The following MINDY2 variants were observed in gnomAD, a reference collection of about 807,000 sequenced individuals.
The protein encoded by MINDY2 is MINDY lysine 48 deubiquitinase 2.
In MINDY2, 52 loss-of-function variants were observed where a neutral mutation model predicts 68.2. That is an observed-to-expected ratio of 0.76 (90% CI 0.61 to 0.96). The LOEUF (loss-of-function observed/expected upper bound fraction) is 0.96. Ranked by LOEUF, MINDY2 falls within the 40% of genes least tolerant of loss-of-function variation. The pLI, the probability that MINDY2 is intolerant of heterozygous loss-of-function variation, is 0.00. For synonymous variants in MINDY2, 372 were observed against 303.0 expected, an observed-to-expected ratio of 1.23 and a Z score of -2.36; for missense variants, 881 against 773.4, an observed-to-expected ratio of 1.14 and a Z score of -1.65.
At chr15:58,798,208 C>T (rs1902406838) in intron 2 of MINDY2, among the ~76,000 whole-genome samples, 1 of 152,090 alleles carries the variant, frequency 6.6e-6, no homozygotes, top group Non-Finnish European at 1.5e-5. Context: ...CCTCCGCTTC[C>T]AAAGCTCAAG....
Position 58,860,424 on chromosome 15 carries a change from A to T in MINDY2, c.*5814A>T, listed in dbSNP as rs1447733885. On this transcript the variant is annotated 3_prime_UTR_variant, in exon 9 of 9. Coordinates refer to ENST00000559228, the MANE Select transcript of MINDY2 (RefSeq NM_001040450.3). The stretch of plus-strand genomic sequence containing the variant: ...TGTCTCTACTAAAAATACAAAAAAA[A>T]TTAGCTGGGTGTGGTGGCACATGCC... The T allele has an allele frequency of 6.6e-6, 1 of 152,134 alleles. No homozygotes were observed. Among genetic ancestry groups the T allele is most frequent in the Admixed American group, 6.5e-5 (1 of 15,272 alleles). 9.4% of individuals were successfully genotyped at this position (152,134 alleles called of 1,614,324 possible). A position where few individuals can be genotyped will look rare whatever the true frequency, so the allele number is the denominator to read the frequency against.
In MINDY2 at chr15:58,831,929, A is replaced by C. The variant is rs1427198405; in HGVS notation, c.1368+13A>C. On this transcript the variant is annotated intron_variant, in intron 6 of 8. Transcript: ENST00000559228. ...GACCAAATACAAGGTATGATATAGA[A>C]ATAGCTATTTAATCGTGATTCTAAA... The C allele has an allele frequency of 6.2e-7, 1 of 1,603,698 alleles. No individual in the cohort carries two copies. The highest frequency in any genetic ancestry group is 1.7e-5 in the Admixed American group (1 of 57,476).
chr15:58,789,183 A>G (rs1244580500), intron 2 of MINDY2, among the ~76,000 whole-genome samples: 1 of 151,870 alleles, frequency 6.6e-6, no homozygotes, highest in Non-Finnish European at 1.5e-5. Context: ...TAAAAAATAC[A>G]AAAAATTAGC....
In MINDY2 at chr15:58,859,744, C is replaced by G. The variant is rs549188645; in HGVS notation, c.*5134C>G. The G allele has an allele frequency of 6.6e-6, 1 of 152,136 alleles. No homozygotes were observed. Among genetic ancestry groups the G allele is most frequent in the Non-Finnish European group, 1.5e-5 (1 of 68,014 alleles). The allele number at this position is 152,136 out of a possible 1,614,324, so 9.4% of individuals were successfully genotyped here. ...AAATTTTAGTTCATGCATGTTCTTA[C>G]TTAATCCTGGTGTTTTTGCTCTTAG... On this transcript the variant is annotated 3_prime_UTR_variant, in exon 9 of 9. Coordinates refer to ENST00000559228, the MANE Select transcript of MINDY2 (RefSeq NM_001040450.3).
chr15:58,852,799 C>A (rs1292588880), intron 8 of MINDY2, among the ~76,000 whole-genome samples: 1 of 152,044 alleles, frequency 6.6e-6, no homozygotes, highest in Admixed American at 6.6e-5. Context: ...TTTTCACTTT[C>A]TGTAGTTAAA....
intron 1 of MINDY2, among the ~76,000 whole-genome samples, chr15:58,777,024 AT>A (rs1900815399): frequency 1.3e-5 from 2 of 152,252 alleles, no homozygotes; most frequent in African/African-American, 4.8e-5. Flanking sequence ...AGAAAAGCAT[AT>A]TGCATTTTAA....
intron 5 of MINDY2, among the ~76,000 whole-genome samples, chr15:58,826,873 C>T (rs2031430461): frequency 6.6e-6 from 1 of 151,882 alleles, no homozygotes; most frequent in Non-Finnish European, 1.5e-5. Context: ...TTCCTCCCTT[C>T]CTTCCTTCAT....
intron 4 of MINDY2, among the ~76,000 whole-genome samples, chr15:58,816,447 G>T (rs890728924): frequency 1.3e-5 from 2 of 151,964 alleles, no homozygotes; most frequent in Admixed American, 1.3e-4. Context: ...ATCTTGCTCT[G>T]TTGCCCAGAC....
intron 7 of MINDY2, among the ~76,000 whole-genome samples, chr15:58,851,253 C>T: frequency 6.6e-6 from 1 of 152,024 alleles, no homozygotes; most frequent in East Asian, 1.9e-4. Context: ...GGATTATAGG[C>T]GTGAGCCACC....
chr15:58,837,894 A>T (rs2032074875), intron 6 of MINDY2, among the ~76,000 whole-genome samples: 1 of 149,474 alleles, frequency 6.7e-6, no homozygotes, highest in African/African-American at 2.5e-5. Context: ...ATTTGAGTCC[A>T]GGAGATCGAA....
rs1461215408 is a variant in MINDY2 at position 58,783,168 on chromosome 15, A to G, written c.841-4738A>G. Among the ~76,000 whole-genome samples the G allele has an allele frequency of 3.3e-4, 50 of 151,638 alleles. 1 individual carries two copies. Among genetic ancestry groups the G allele is most frequent in the Admixed American group, 3.2e-3 (49 of 15,198 alleles). ...ACTCCTAACCTCAGGTGATCCGCCC[A>G]CCTCGGCCTCCCAAAGTGCTGGGAT... On this transcript the variant is annotated intron_variant, in intron 1 of 8. Coordinates refer to ENST00000559228, the MANE Select transcript of MINDY2 (RefSeq NM_001040450.3).
rs1197650124 is a variant in MINDY2, at chr15:58,821,769, A to G, written c.1175A>G (p.Glu392Gly). Reference sequence around the variant, plus strand: ...AACTGCAGCTACAACCAACTAGTGGAGAAGATCATCTCTTGTAAACAGTCA... The same window carrying G: ...AACTGCAGCTACAACCAACTAGTGGGGAAGATCATCTCTTGTAAACAGTCA... ...VGNCSYNQLV[E>G]KIISCKQSDN... Residue 392 changes from glutamate (E) to glycine (G), a missense_variant, in exon 5 of 9, where the codon GAG (glutamate) becomes GGG (glycine). Physicochemically the swap from Glu to Gly is moderately conservative, Grantham distance 98. Transcript: ENST00000559228. The G allele has an allele frequency of 6.3e-7, 1 of 1,591,050 alleles. No individual in the cohort carries two copies. Among genetic ancestry groups the G allele is most frequent in the African/African-American group, 1.4e-5 (1 of 73,516 alleles).
intron 8 of MINDY2, 80 bp downstream of exon 8, chr15:58,852,045 G>C: frequency 4.5e-6 from 5 of 1,116,506 alleles, no homozygotes; most frequent in Non-Finnish European, 6.3e-6. Context: ...CCAGCCCTTT[G>C]GGAGGCTGAG....
intron 6 of MINDY2, among the ~76,000 whole-genome samples, chr15:58,840,097 G>A (rs1312520191): frequency 3.3e-5 from 5 of 152,168 alleles, no homozygotes; most frequent in African/African-American, 1.2e-4. Context: ...GCCTCCCAAA[G>A]TGCTAGGATT....
chr15:58,775,354 A>T (rs1900708858), intron 1 of MINDY2, among the ~76,000 whole-genome samples: 1 of 152,196 alleles, frequency 6.6e-6, no homozygotes, highest in African/African-American at 2.4e-5. Context: ...TAGTAGAGAA[A>T]AACAGTAAAT....
At chr15:58,811,380 G>A (rs2030234854) in intron 4 of MINDY2, among the ~76,000 whole-genome samples, 1 of 152,230 alleles carries the variant, frequency 6.6e-6, no homozygotes, top group Non-Finnish European at 1.5e-5. Context: ...CTGGCAGGAA[G>A]TAGACGACAC....
chr15:58,847,644 T>G (rs942265145), intron 7 of MINDY2, among the ~76,000 whole-genome samples, 174 bp downstream of exon 7: 1 of 152,252 alleles, frequency 6.6e-6, no homozygotes, highest in Non-Finnish European at 1.5e-5. Flanking sequence ...TTATGTACTT[T>G]GGTGCAGAAG....
intron 8 of MINDY2, among the ~76,000 whole-genome samples, chr15:58,853,973 A>T (rs2140877251): frequency 6.6e-6 from 1 of 152,146 alleles, no homozygotes. Flanking sequence ...ATATAATCTT[A>T]CGTTATTTAC....
intron 6 of MINDY2, among the ~76,000 whole-genome samples, chr15:58,832,135 C>CT (rs1399281159): frequency 1.3e-5 from 2 of 151,568 alleles, no homozygotes; most frequent in Non-Finnish European, 2.9e-5. Flanking sequence ...TTCTCAACTT[C>CT]TTTTTCACAG....
Sources: allele counts gnomAD v4.1 joint callset (sites outside exome capture counted in the v4.1 genomes callset), GRCh38; gene constraint gnomAD v4.1.1; transcripts MANE v1.5; gene names NCBI Gene and HGNC (gene_info 2026-07-23, HGNC 2026-07-21).